AKAP10: variants seen among roughly 807,000 people sequenced by gnomAD.
AKAP10 encodes A-kinase anchoring protein 10, also known as A-kinase anchor protein 10, mitochondrial.
AKAP10 carries 24 observed loss-of-function variants against 80.8 expected under a neutral mutation model. The observed-to-expected ratio is 0.30, with a 90% CI of 0.22 to 0.42. The LOEUF is 0.42. AKAP10 is among the 10% of genes least tolerant of loss of function. AKAP10 has a pLI of 1.00. For synonymous variants in AKAP10, 291 were observed against 277.7 expected, an observed-to-expected ratio of 1.05 and a Z score of -0.48; for missense variants, 661 against 794.9, an observed-to-expected ratio of 0.83 and a Z score of 2.03.
intron 5 of AKAP10, among the ~76,000 whole-genome samples, chr17:19,944,034 C>A (rs752420117): frequency 1.3e-5 from 2 of 151,834 alleles, no homozygotes; most frequent in African/African-American, 4.8e-5. Flanking sequence ...ATATTTAACA[C>A]CTCTTCTATT....
At chr17:19,927,619 T>A (rs981847080) in intron 10 of AKAP10, among the ~76,000 whole-genome samples, 2 of 151,668 alleles carry the variant, frequency 1.3e-5, no homozygotes, top group Non-Finnish European at 2.9e-5. Context: ...GGCAATATAA[T>A]GAGAAAATTG....
In AKAP10 at chr17:19,946,273, ATATTTTTTTTTT is replaced by A. The variant is rs1732869611; in HGVS notation, c.976+1122_976+1133del. Among the ~76,000 whole-genome samples, 17 of 19,808 alleles carry A rather than the reference ATATTTTTTTTTT, an allele frequency of 8.6e-4. 1 individual carries two copies. The highest frequency in any genetic ancestry group is 3.7e-3 in the East Asian group (2 of 542). The allele number at this position is 19,808 out of a possible 152,430, so 13.0% of individuals were successfully genotyped here. A position where few individuals can be genotyped will look rare whatever the true frequency, so the allele number is the denominator to read the frequency against. ...TATATATATATATATATATATATAT[ATATTTTTTTTTT>A]TTTTTTTTTTTTTTGGCAGGGGGTG... is the stretch of plus-strand genomic sequence containing the variant. On this transcript the variant is annotated intron_variant, in intron 5 of 14. Transcript: ENST00000225737.
intron 1 of AKAP10, among the ~76,000 whole-genome samples, chr17:19,974,328 C>T (rs932623738): frequency 2.0e-5 from 3 of 152,168 alleles, no homozygotes; most frequent in Admixed American, 6.5e-5. Context: ...TTGTCCATCC[C>T]GCGGCCCAGG....
At chr17:19,924,144 T>A (rs1320283502) in intron 11 of AKAP10, among the ~76,000 whole-genome samples, 1 of 152,168 alleles carries the variant, frequency 6.6e-6, no homozygotes, top group African/African-American at 2.4e-5. Context: ...TGGCATCTTT[T>A]CACTTTATTA....
At chr17:19,933,606 T>C (rs896317967) in intron 9 of AKAP10, among the ~76,000 whole-genome samples, 6 of 152,210 alleles carry the variant, frequency 3.9e-5, no homozygotes, top group South Asian at 2.1e-4. Context: ...GATCTGAACT[T>C]TTCCTTTAAA....
At chr17:19,959,220 A>G (rs778807295) in intron 3 of AKAP10, among the ~76,000 whole-genome samples, 4 of 152,200 alleles carry the variant, frequency 2.6e-5, no homozygotes, top group Non-Finnish European at 5.9e-5. Context: ...TAAAAATATT[A>G]AAAACTATAC....
chr17:19,946,263 A>AT (rs1402816066), intron 5 of AKAP10, among the ~76,000 whole-genome samples: 1 of 27,206 alleles, frequency 3.7e-5, no homozygotes, highest in African/African-American at 1.6e-4. Context: ...ATATATATAT[A>AT]TATATATATA....
At chr17:19,953,010 A>T (rs535747012) in intron 4 of AKAP10, among the ~76,000 whole-genome samples, 1 of 152,298 alleles carries the variant, frequency 6.6e-6, no homozygotes, top group South Asian at 2.1e-4. Context: ...CATTTTAAAA[A>T]ATTTTTTAAT....
intron 8 of AKAP10, among the ~76,000 whole-genome samples, 198 bp downstream of exon 8, chr17:19,939,515 C>CCTGT (rs2043029593): frequency 6.6e-6 from 1 of 152,192 alleles, no homozygotes; most frequent in Non-Finnish European, 1.5e-5. Context: ...GTTTACCCCA[C>CCTGT]ATACACCTCC....
At chr17:19,932,996 G>A (rs966664985) in intron 9 of AKAP10, among the ~76,000 whole-genome samples, 23 of 151,856 alleles carry the variant, frequency 1.5e-4, no homozygotes, top group Admixed American at 1.2e-3. Flanking sequence ...ATTTATGTTC[G>A]TATTTAATAC....
Position 19,940,879 on chromosome 17 carries a change from GA to G in AKAP10, c.1185+7del, listed in dbSNP as rs2043044680. 6.3e-7 allele frequency: 1 copy of G among 1,591,842 alleles called. No homozygotes were observed. Among genetic ancestry groups the G allele is most frequent in the East Asian group, 2.3e-5 (1 of 44,306 alleles). On this transcript the variant is annotated splice_region_variant and intron_variant, in intron 7 of 14. Coordinates refer to ENST00000225737, the MANE Select transcript of AKAP10 (RefSeq NM_007202.4). Reference sequence around the variant, plus strand: ...CGAATAGAGTGTGAAAAGAAATGCAGACTTTACCTCAGAGAAATAAAAGAGG... The same window carrying G: ...CGAATAGAGTGTGAAAAGAAATGCAGCTTTACCTCAGAGAAATAAAAGAGG...
chr17:19,924,344 A>T (rs1394058846), intron 11 of AKAP10, 64 bp downstream of exon 11: 7 of 1,171,768 alleles, frequency 6.0e-6, no homozygotes, highest in South Asian at 3.6e-5. Flanking sequence ...AAATTTAATT[A>T]AAAAATTTAA....
intron 10 of AKAP10, chr17:19,929,467 G>A (rs1424862758): frequency 1.3e-5 from 2 of 152,148 alleles, no homozygotes; most frequent in African/African-American, 4.8e-5. Context: ...TGACAAGAAG[G>A]ACAGTGAATG....
In AKAP10 at chr17:19,958,588, AAAG is replaced by A; in HGVS notation, c.320-20_320-18del. ...AAGATCTGCCTAAAAGATAGAAGCAAAAGAATTAGCAGTTCAGCAACAAATAAT... is the reference window on the plus strand; with the variant it reads ...AAGATCTGCCTAAAAGATAGAAGCAAAATTAGCAGTTCAGCAACAAATAAT... On this transcript the variant is annotated intron_variant, in intron 3 of 14. Transcript: ENST00000225737. The A allele has an allele frequency of 6.4e-7, 1 of 1,570,516 alleles. No homozygotes were observed. Among genetic ancestry groups the A allele is most frequent in the Non-Finnish European group, 8.6e-7 (1 of 1,165,052 alleles).
chr17:19,926,418 A>G (rs914811392), intron 10 of AKAP10, among the ~76,000 whole-genome samples: 6 of 152,210 alleles, frequency 3.9e-5, no homozygotes, highest in Admixed American at 2.0e-4. Context: ...GAAACAAGAC[A>G]AAGATTTTTG....
chr17:19,917,089 C>G (rs963664216), intron 12 of AKAP10, among the ~76,000 whole-genome samples: 3 of 151,644 alleles, frequency 2.0e-5, no homozygotes, highest in Non-Finnish European at 2.9e-5. Flanking sequence ...ATGGTGAAAC[C>G]CCATCTCTAC....
At chr17:19,936,513 T>G (rs1015572015) in intron 8 of AKAP10, 83 bp from the exon 9 acceptor site, 1 of 1,340,914 alleles carries the variant, frequency 7.5e-7, no homozygotes, top group Non-Finnish European at 1.0e-6. Context: ...GAGAATCTTA[T>G]ACAAGGCTAC....
At chr17:19,918,347 C>G (rs1234294918) in intron 12 of AKAP10, among the ~76,000 whole-genome samples, 1 of 152,140 alleles carries the variant, frequency 6.6e-6, no homozygotes, top group African/African-American at 2.4e-5. Flanking sequence ...TGAGACCAGA[C>G]CAGCCTGGCC....
At chr17:19,957,803 T>TA (rs2043296927) in intron 4 of AKAP10, among the ~76,000 whole-genome samples, 1 of 152,170 alleles carries the variant, frequency 6.6e-6, no homozygotes, top group African/African-American at 2.4e-5. Flanking sequence ...CTAATTCTGA[T>TA]AACACACTTC....
Sources: gnomAD v4.1 joint callset for allele counts (sites outside exome capture counted in the v4.1 genomes callset) on GRCh38, gnomAD v4.1.1 for gene constraint, MANE v1.5 for transcripts, NCBI Gene and HGNC (gene_info 2026-07-23, HGNC 2026-07-21) for gene names.